TLCD4: variants seen among roughly 807,000 people sequenced by gnomAD.
TLCD4 encodes TLC domain-containing protein 4.
TLCD4 carries 7 observed loss-of-function variants against 24.2 expected under a neutral mutation model. The ratio of observed to expected loss-of-function variants is 0.29; its 90% confidence interval spans 0.16 to 0.54. The LOEUF is 0.54. Ranked by LOEUF, TLCD4 falls within the 20% of genes least tolerant of loss-of-function variation. The pLI, the probability that TLCD4 is intolerant of heterozygous loss-of-function variation, is 0.95. For missense variants in TLCD4, 259 were observed against 313.9 expected, an observed-to-expected ratio of 0.82 and a Z score of 1.32; for synonymous variants, 103 against 106.4, an observed-to-expected ratio of 0.97 and a Z score of 0.20.
At position 95,169,712 on chromosome 1, in the gene TLCD4, G is replaced by C. The variant is rs1422925523; in HGVS notation, c.400-4104G>C. 2.6e-5 allele frequency among the ~76,000 whole-genome samples: 4 copies of C among 151,916 alleles called. No individual in the cohort carries two copies. In the East Asian group the frequency reaches 7.7e-4, roughly 29 times the overall value. ...TTTTTTAAAGAAACGGTTTTGCTGT[G>C]TCACCTAGGCTGGTATGCAGTAGTG... On this transcript the variant is annotated intron_variant, in intron 5 of 6. Coordinates refer to ENST00000370203, the MANE Select transcript of TLCD4 (RefSeq NM_152487.3).
At chr1:95,098,177 C>G in the TLCD4 span, among the ~76,000 whole-genome samples, 2 of 152,122 alleles carry the variant, frequency 1.3e-5, no homozygotes, top group Non-Finnish European at 2.9e-5. Flanking sequence ...AAGATTCTGG[C>G]TCAAAGAGGT....
At chr1:95,144,595 G>C (rs1557683459) in intron 2 of TLCD4, among the ~76,000 whole-genome samples, 1 of 145,882 alleles carries the variant, frequency 6.9e-6, no homozygotes, top group Non-Finnish European at 1.5e-5. Flanking sequence ...TTTCTTTTTA[G>C]TTTTTTTTTT....
At chr1:95,119,092 GA>G (rs1483596972) in intron 1 of TLCD4, among the ~76,000 whole-genome samples, 2 of 152,156 alleles carry the variant, frequency 1.3e-5, no homozygotes, top group Non-Finnish European at 1.5e-5. Flanking sequence ...TACAGTATTA[GA>G]TTTCCATTTA....
At chr1:95,189,641 A>G (rs1056811025) in intron 6 of TLCD4, among the ~76,000 whole-genome samples, 1 of 152,216 alleles carries the variant, frequency 6.6e-6, no homozygotes, top group African/African-American at 2.4e-5. Flanking sequence ...TATAAATGGA[A>G]TCATACAGTG....
chr1:95,126,129 T>TAAA (rs35251348), intron 1 of TLCD4, among the ~76,000 whole-genome samples: 1 of 129,556 alleles, frequency 7.7e-6, no homozygotes. Flanking sequence ...CCATCACTAT[T>TAAA]AAAAAAAAAA....
chr1:95,167,465 A>G (rs1678057443), intron 5 of TLCD4, among the ~76,000 whole-genome samples: 1 of 152,110 alleles, frequency 6.6e-6, no homozygotes, highest in South Asian at 2.1e-4. Context: ...TTGGGAGAGA[A>G]GCTGAGGCAG....
At chr1:95,108,186 A>G in the TLCD4 span, among the ~76,000 whole-genome samples, 1 of 151,516 alleles carries the variant, frequency 6.6e-6, no homozygotes, top group African/African-American at 2.4e-5. Context: ...TATTTTTTCC[A>G]GTTTGTAATT....
chr1:95,191,565 T>G lies in TLCD4; in HGVS notation c.489T>G (p.Ala163=). 1 of 1,611,562 alleles carries G rather than the reference T, an allele frequency of 6.2e-7. No individual in the cohort carries two copies. Among genetic ancestry groups the G allele is most frequent in the Non-Finnish European group, 8.5e-7 (1 of 1,178,620 alleles). Residue 163 remains alanine (A), a synonymous_variant, in exon 7 of 7, where the codon GCT becomes GCG. Transcript: ENST00000370203. ...PFVNQRWFFE[A]LKYPKFSKAI... ...CATTTTTCAGGTGGTTCTTTGAAGC[T>G]CTGAAGTATCCCAAGTTTTCTAAAG... is the stretch of plus-strand genomic sequence containing the variant.
the TLCD4 span, among the ~76,000 whole-genome samples, chr1:95,094,622 C>CACCA: frequency 2.6e-5 from 4 of 152,286 alleles, no homozygotes; most frequent in Admixed American, 2.0e-4. Flanking sequence ...TGGTCTTGAT[C>CACCA]ACCAGAGAGT....
At chr1:95,190,370 G>A (rs1451264049) in intron 6 of TLCD4, among the ~76,000 whole-genome samples, 3 of 151,910 alleles carry the variant, frequency 2.0e-5, no homozygotes, top group South Asian at 2.1e-4. Flanking sequence ...TTGCTCTGTC[G>A]CCCAGGCTGG....
In TLCD4 at chr1:95,192,731, T is replaced by G. The variant is rs567978671; in HGVS notation, c.*863T>G. The G allele has an allele frequency of 9.8e-5, 15 of 152,368 alleles. No homozygotes were observed. The highest frequency in any genetic ancestry group is 2.1e-4 in the Non-Finnish European group (14 of 68,022). 9.4% of individuals were successfully genotyped at this position (152,368 alleles called of 1,614,324 possible). A position where few individuals can be genotyped will look rare whatever the true frequency, so the allele number is the denominator to read the frequency against. On this transcript the variant is annotated 3_prime_UTR_variant, in exon 7 of 7. Coordinates refer to ENST00000370203, the MANE Select transcript of TLCD4 (RefSeq NM_152487.3). ...ATCACCTATTAATGATGAAATATTT[T>G]ACCACTTTGGGAATATTTAATTAGT...
At chr1:95,190,473 T>G (rs1398967052) in intron 6 of TLCD4, among the ~76,000 whole-genome samples, 1 of 151,958 alleles carries the variant, frequency 6.6e-6, no homozygotes, top group Non-Finnish European at 1.5e-5. Flanking sequence ...GGATTACAGG[T>G]GCCCGCCGCC....
chr1:95,179,839 A>G (rs1408851970), intron 6 of TLCD4, among the ~76,000 whole-genome samples: 1 of 152,148 alleles, frequency 6.6e-6, no homozygotes, highest in Non-Finnish European at 1.5e-5. Flanking sequence ...TCTACTGGCA[A>G]TGCCTCCTGT....
At chr1:95,120,567 G>A (rs530343570) in intron 1 of TLCD4, among the ~76,000 whole-genome samples, 1 of 152,304 alleles carries the variant, frequency 6.6e-6, no homozygotes, top group East Asian at 1.9e-4. Flanking sequence ...GGTGTAAAAG[G>A]CCAAAGCTTT....
At chr1:95,170,176 AAGAAAAATCACCTTTGACAGG>A (rs1678155461) in intron 5 of TLCD4, among the ~76,000 whole-genome samples, 1 of 152,160 alleles carries the variant, frequency 6.6e-6, no homozygotes, top group African/African-American at 2.4e-5. Context: ...AATAGATCAG[AAGAAAAATCACCTTTGACAGG>A]AGAAAGTCAG....
the TLCD4 span, among the ~76,000 whole-genome samples, chr1:95,102,483 G>T: frequency 6.6e-6 from 1 of 152,234 alleles, no homozygotes; most frequent in African/African-American, 2.4e-5. Flanking sequence ...TGATGACTTC[G>T]TGAACTCAGA....
At chr1:95,105,585 T>C in the TLCD4 span, among the ~76,000 whole-genome samples, 2 of 152,072 alleles carry the variant, frequency 1.3e-5, no homozygotes, top group Non-Finnish European at 2.9e-5. Context: ...GTGGCAGCAA[T>C]AGAGACTAAT....
chr1:95,144,076 A>C lies in TLCD4; in HGVS notation c.155+20A>C, dbSNP rs758995023. 1.4e-6 allele frequency: 2 copies of C among 1,404,448 alleles called. No homozygotes were observed. The highest frequency in any genetic ancestry group is 1.9e-6 in the Non-Finnish European group (2 of 1,074,612). 87.0% of individuals were successfully genotyped at this position (1,404,448 alleles called of 1,614,324 possible). A position where few individuals can be genotyped will look rare whatever the true frequency, so the allele number is the denominator to read the frequency against. On this transcript the variant is annotated intron_variant, in intron 2 of 6. Transcript: ENST00000370203. Reference sequence around the variant, plus strand: ...CTCAAGGTAAAGCATATGAAAATGTAATTGATGACAAGAAACTAGTTTATG... The same window carrying C: ...CTCAAGGTAAAGCATATGAAAATGTCATTGATGACAAGAAACTAGTTTATG...
chr1:95,170,257 A>G lies in TLCD4; in HGVS notation c.400-3559A>G, dbSNP rs185881237. Among the ~76,000 whole-genome samples the G allele has an allele frequency of 4.3e-3, 654 of 151,654 alleles. 9 individuals carry two copies. Among genetic ancestry groups the G allele is most frequent in the Non-Finnish European group, 3.2e-3 (216 of 67,926 alleles). ...TTAAGGAATAAAAAGTTCACCTATA[A>G]TTTTTTTAATGCTTCATGTTTATTA... On this transcript the variant is annotated intron_variant, in intron 5 of 6. Transcript: ENST00000370203.
Sources: gnomAD v4.1 joint callset for allele counts (sites outside exome capture counted in the v4.1 genomes callset) on GRCh38, gnomAD v4.1.1 for gene constraint, MANE v1.5 for transcripts, NCBI Gene and HGNC (gene_info 2026-07-23, HGNC 2026-07-21) for gene names.